Variants in GUCY1A2 observed in about 807,000 individuals in gnomAD.
GUCY1A2 encodes the protein guanylate cyclase soluble subunit alpha-2.
A neutral mutation model predicts 63.5 loss-of-function variants in GUCY1A2; 27 were observed. The ratio of observed to expected loss-of-function variants is 0.43; its 90% confidence interval spans 0.31 to 0.59. GUCY1A2 has a LOEUF of 0.59. Ranked by LOEUF, GUCY1A2 falls within the 20% of genes least tolerant of loss-of-function variation. GUCY1A2 has a pLI of 0.11. For synonymous variants in GUCY1A2, 364 were observed against 343.5 expected (o/e 1.06, Z -0.66); for missense variants, 768 against 913.3 (o/e 0.84, Z 2.05).
rs550116087 is a variant in GUCY1A2, at chr11:106,982,612, G to A, written c.365+3458C>T. On this transcript the variant is annotated intron_variant, in intron 2 of 7. Transcript: ENST00000526355. Reference sequence around the variant, plus strand: ...GGTGATGGAGAGATACTTTAGACGGGGTGATCAGGGCAGGCTTTCCTGTAG... The same window carrying A: ...GGTGATGGAGAGATACTTTAGACGGAGTGATCAGGGCAGGCTTTCCTGTAG... 2.0e-5 allele frequency among the ~76,000 whole-genome samples: 3 copies of A among 152,240 alleles called. No individual in the cohort carries two copies. The South Asian group carries it at 6.2e-4, about 32-fold the overall frequency.
Position 106,810,257 on chromosome 11 carries a change from T to C in GUCY1A2, c.1428A>G (p.Leu476=). 6.2e-7 allele frequency: 1 copy of C among 1,613,958 alleles called. No individual in the cohort carries two copies. Among genetic ancestry groups the C allele is most frequent in the Non-Finnish European group, 8.5e-7 (1 of 1,179,916 alleles). ...CTTCCAGGGCCTGGTGAGTTCTTTC[T>C]AAAGTTGCCTTTAATTTATCCATCC... The part of the protein sequence containing the change: ...KKRMDKLKAT[L]ERTHQALEEE... Residue 476 remains leucine, a synonymous_variant, in exon 5 of 8, where the codon TTA becomes TTG. Coordinates refer to ENST00000526355, the MANE Select transcript of GUCY1A2 (RefSeq NM_000855.3).
intron 4 of GUCY1A2, among the ~76,000 whole-genome samples, chr11:106,836,413 T>C (rs556127055): frequency 1.3e-5 from 2 of 152,064 alleles, no homozygotes; most frequent in South Asian, 4.1e-4. Context: ...ATACCATAAG[T>C]TTACATTGTC....
intron 1 of GUCY1A2, among the ~76,000 whole-genome samples, chr11:107,017,117 G>GA (rs939899550): frequency 4.0e-5 from 6 of 151,614 alleles, no homozygotes; most frequent in Non-Finnish European, 7.4e-5. Context: ...GAAAGAAAAA[G>GA]AAAAAAAGCT....
At chr11:106,989,821 G>A (rs1313824489) in intron 1 of GUCY1A2, among the ~76,000 whole-genome samples, 1 of 152,068 alleles carries the variant, frequency 6.6e-6, no homozygotes, top group Non-Finnish European at 1.5e-5. Flanking sequence ...CAATATTAAG[G>A]CTGAGGATAG....
rs538989050 is a variant in GUCY1A2, at chr11:106,773,568, T to C, written c.1836+2871A>G. Among the ~76,000 whole-genome samples the C allele has an allele frequency of 2.2e-3, 337 of 152,330 alleles. 2 individuals carry two copies. Among genetic ancestry groups the C allele is most frequent in the Non-Finnish European group, 1.1e-3 (78 of 68,022 alleles). On this transcript the variant is annotated intron_variant, in intron 6 of 7. Coordinates refer to ENST00000526355, the MANE Select transcript of GUCY1A2 (RefSeq NM_000855.3). Reference sequence around the variant, plus strand: ...AGAGGAAATGCTGGGTTGTAGGACATGCAAAAGTTAAACTTTACCAGGTGA... The same window carrying C: ...AGAGGAAATGCTGGGTTGTAGGACACGCAAAAGTTAAACTTTACCAGGTGA...
intron 4 of GUCY1A2, among the ~76,000 whole-genome samples, chr11:106,857,606 GT>G (rs1017532816): frequency 1.3e-5 from 2 of 152,172 alleles, no homozygotes; most frequent in East Asian, 3.9e-4. Context: ...AAATGATTCA[GT>G]TTTTTCGAGA....
At chr11:106,913,986 C>CAAAAAAAAAAAAAAAAAAAAAAA (rs11325847) in intron 4 of GUCY1A2, among the ~76,000 whole-genome samples, 2 of 71,236 alleles carry the variant, frequency 2.8e-5, no homozygotes. Flanking sequence ...AATGAAAAAG[C>CAAAAAAAAAAAAAAAAAAAAAAA]AAAAAAAAAA....
At chr11:106,838,904 A>C (rs1859154421) in intron 4 of GUCY1A2, among the ~76,000 whole-genome samples, 1 of 151,828 alleles carries the variant, frequency 6.6e-6, no homozygotes, top group Admixed American at 6.6e-5. Flanking sequence ...AGATTGCAAA[A>C]ATTTTCTCCC....
chr11:106,993,834 T>C (rs1565353820), intron 1 of GUCY1A2, among the ~76,000 whole-genome samples: 1 of 152,186 alleles, frequency 6.6e-6, no homozygotes, highest in Non-Finnish European at 1.5e-5. Context: ...AACCACACTT[T>C]TTAGAAGGAT....
intron 4 of GUCY1A2, chr11:106,827,630 T>G (rs117698788): frequency 0.016 from 23,808 of 1,528,220 alleles, 337 homozygotes; most frequent in Middle Eastern, 0.052. Context: ...TCAGTTGCTT[T>G]ACGCCAGATT....
chr11:106,992,620 A>C (rs1861485765), intron 1 of GUCY1A2, among the ~76,000 whole-genome samples: 1 of 152,080 alleles, frequency 6.6e-6, no homozygotes, highest in Admixed American at 6.5e-5. Flanking sequence ...ATGAGCCACC[A>C]CGCCCGGCCA....
At chr11:106,978,563 G>T in intron 3 of GUCY1A2, 56 bp downstream of exon 3, 2 of 1,219,188 alleles carry the variant, frequency 1.6e-6, no homozygotes, top group South Asian at 2.8e-5. Flanking sequence ...CTTCCACCTC[G>T]ACTTTCCCTC....
chr11:106,960,848 T>C (rs1182025477), intron 3 of GUCY1A2, among the ~76,000 whole-genome samples: 1 of 151,902 alleles, frequency 6.6e-6, no homozygotes, highest in African/African-American at 2.4e-5. Context: ...AAGCACCAAG[T>C]CAACTAGATA....
chr11:106,953,836 G>T (rs1860945305), intron 3 of GUCY1A2, among the ~76,000 whole-genome samples: 1 of 152,184 alleles, frequency 6.6e-6, no homozygotes, highest in Non-Finnish European at 1.5e-5. Context: ...TTCTCTGATG[G>T]TAGTTTGTAT....
intron 4 of GUCY1A2, among the ~76,000 whole-genome samples, chr11:106,907,812 A>G (rs1309421949): frequency 6.6e-6 from 1 of 151,788 alleles, no homozygotes; most frequent in South Asian, 2.1e-4. Context: ...TCATTGTTGG[A>G]CATTTGGGTT....
chr11:106,876,971 T>C (rs1209884266), intron 4 of GUCY1A2, among the ~76,000 whole-genome samples: 1 of 152,050 alleles, frequency 6.6e-6, no homozygotes, highest in South Asian at 2.1e-4. Context: ...TTATTCTACA[T>C]TATTCTGCTG....
intron 3 of GUCY1A2, among the ~76,000 whole-genome samples, chr11:106,947,157 C>T (rs1356986927): frequency 1.3e-5 from 2 of 150,542 alleles, no homozygotes; most frequent in Non-Finnish European, 2.9e-5. Flanking sequence ...GCAGAGGTTG[C>T]AGTGAGCCAA....
At chr11:106,858,960 A>G (rs1041074876) in intron 4 of GUCY1A2, among the ~76,000 whole-genome samples, 5 of 152,120 alleles carry the variant, frequency 3.3e-5, no homozygotes, top group Admixed American at 2.6e-4. Context: ...AGCAGGGGCC[A>G]TTCAATAATT....
chr11:106,764,976 G>GGGA (rs1441307848), intron 6 of GUCY1A2, among the ~76,000 whole-genome samples: 5 of 95,930 alleles, frequency 5.2e-5, no homozygotes, highest in African/African-American at 1.5e-4. Flanking sequence ...TTTTTGGGGG[G>GGGA]GGGTTGGGGG....
Sources: allele counts gnomAD v4.1 joint callset (sites outside exome capture counted in the v4.1 genomes callset), GRCh38; gene constraint gnomAD v4.1.1; transcripts MANE v1.5; gene names NCBI Gene and HGNC (gene_info 2026-07-23, HGNC 2026-07-21).